Variants in POMGNT1 observed in about 807,000 individuals in gnomAD.
POMGNT1 encodes protein O-linked mannose N-acetylglucosaminyltransferase 1 (beta 1,2-).
Under a neutral mutation model 95.6 loss-of-function variants are expected in POMGNT1, and 67 were observed. The observed-to-expected ratio is 0.70, with a 90% confidence interval of 0.58 to 0.86. The LOEUF (loss-of-function observed/expected upper bound fraction) is 0.86, where lower values mean the gene tolerates loss of function less well. Among genes scored for constraint, POMGNT1 ranks in the 40% least tolerant of loss-of-function variants. POMGNT1 has a pLI of 0.00. For missense variants in POMGNT1, 719 were observed against 855.2 expected, an observed-to-expected ratio of 0.84 and a Z score of 1.99; for synonymous variants, 298 against 317.9, an observed-to-expected ratio of 0.94 and a Z score of 0.66.
At chr1:46,189,797 G>A in intron 20 of POMGNT1, 57 bp downstream of exon 20, 1 of 1,609,370 alleles carries the variant, frequency 6.2e-7, no homozygotes, top group Non-Finnish European at 8.5e-7. Context: ...CTGGATCTTG[G>A]GGCAGTATGT....
In POMGNT1 at chr1:46,196,022, T is replaced by C. The variant is rs754819722; in HGVS notation, c.410A>G (p.Asn137Ser). The change falls in exon 5 of 22, where the codon AAC becomes AGC. Residue 137 changes from asparagine to serine, a missense_variant. By Grantham distance (46) the Asn-to-Ser change is conservative (BLOSUM62 1). Transcript: ENST00000371984. The surrounding 1 kb of genome is among the most constrained non-coding windows in gnomAD (Gnocchi z 4.4). Reference sequence around the variant, plus strand: ...CCCCTAGAAACTCACCGTGGCCTGGTTGAGGACAATGACATGGATGCCCCG... The same window carrying C: ...CCCCTAGAAACTCACCGTGGCCTGGCTGAGGACAATGACATGGATGCCCCG... The part of the protein sequence containing the change: ...QGRGIHVIVL[N>S]QATGHVMAKR... 4.3e-6 allele frequency: 7 copies of C among 1,614,006 alleles called. No individual in the cohort carries two copies. Among genetic ancestry groups the C allele is most frequent in the Admixed American group, 3.3e-5 (2 of 60,012 alleles).
At chr1:46,195,544 C>T in intron 6 of POMGNT1, 1 of 515,232 alleles carries the variant, frequency 1.9e-6, no homozygotes, top group Non-Finnish European at 3.6e-6. Context: ...CTGTTGACCT[C>T]CCACTGCTGG....
In POMGNT1 at chr1:46,193,313, C is replaced by T. The variant is rs1332597566; in HGVS notation, c.1102G>A (p.Val368Met). The change falls in exon 12 of 22, where the codon GTG becomes ATG. Residue 368 changes from valine (V) to methionine (M), a missense_variant. By Grantham distance (21) the Val-to-Met change is conservative (BLOSUM62 1). Transcript: ENST00000371984. ...ACTTGCCTATGCAGTACCTGAGACA[C>T]GCGGGCATTCTTGATGCTGATGGGA... Reference protein sequence around the residue: ...HTPISIKNARVSQHYKASLTA... With the variant: ...HTPISIKNARMSQHYKASLTA... The T allele has an allele frequency of 5.0e-6, 8 of 1,613,646 alleles. No individual in the cohort carries two copies. The East Asian group carries it at 6.7e-5, about 13-fold the overall frequency.
intron 1 of POMGNT1, 136 bp from the exon 2 acceptor site, chr1:46,198,007 ACTT>A (rs1658377112): frequency 1.2e-6 from 1 of 820,364 alleles, no homozygotes; most frequent in Admixed American, 2.9e-5. Context: ...AAGTGGCTCA[ACTT>A]CTCTGGGCTG....
At chr1:46,191,906 T>C in intron 17 of POMGNT1, 192 bp downstream of exon 17, 4 of 842,474 alleles carry the variant, frequency 4.7e-6, no homozygotes, top group Non-Finnish European at 7.2e-6. Context: ...AGTGCTGGGA[T>C]TACAGGCGTG....
intron 17 of POMGNT1, 134 bp downstream of exon 17, chr1:46,191,964 G>T: frequency 1.4e-6 from 2 of 1,387,388 alleles, no homozygotes; most frequent in Non-Finnish European, 2.0e-6. Context: ...TAAAGAAACT[G>T]AGGCAAAAAT....
At chr1:46,193,415 T>C (rs746482178) in intron 11 of POMGNT1, 27 bp from the exon 12 acceptor site, 3 of 1,608,276 alleles carry the variant, frequency 1.9e-6, no homozygotes, top group East Asian at 2.2e-5. Context: ...CTGCTCACCA[T>C]GTGAGGTCAC....
chr1:46,192,424 TG>T lies in POMGNT1; in HGVS notation c.1296del (p.His432GlnfsTer77). The T allele has an allele frequency of 6.2e-7, 1 of 1,614,088 alleles. No homozygotes were observed. Reference sequence around the variant, plus strand: ...TACAGTAGTGCTGGGTCCTCAGCCGTGTGTTCATACCCCTGGGGACAGGGTG... The same window carrying T: ...TACAGTAGTGCTGGGTCCTCAGCCGTTGTTCATACCCCTGGGGACAGGGTG... ...ISAWNDQGYE[H>X]TAEDPALLYR... On this transcript the variant is annotated frameshift_variant, in exon 16 of 22. Transcript: ENST00000371984. LOFTEE classifies it high-confidence loss of function.
chr1:46,189,129 G>A lies in POMGNT1; in HGVS notation c.*141C>T. 3.4e-6 allele frequency: 5 copies of A among 1,491,374 alleles called. No individual in the cohort carries two copies. In the South Asian group the frequency reaches 5.5e-5, roughly 17 times the overall value. The allele number at this position is 1,491,374 out of a possible 1,614,324, so 92.4% of individuals were successfully genotyped here. Reference sequence around the variant, plus strand: ...GTTGGAGCAGGGGAACCCTCCCCTTGGAGTTAGTAATTAAGTCTCATGTTA... The same window carrying A: ...GTTGGAGCAGGGGAACCCTCCCCTTAGAGTTAGTAATTAAGTCTCATGTTA... On this transcript the variant is annotated 3_prime_UTR_variant, in exon 22 of 22. Transcript: ENST00000371984.
At chr1:46,212,898 T>TAC (rs1286557428) in intron 1 of POMGNT1, among the ~76,000 whole-genome samples, 2 of 151,950 alleles carry the variant, frequency 1.3e-5, no homozygotes, top group Non-Finnish European at 2.9e-5. Flanking sequence ...TAGCTGGGAC[T>TAC]ACAGGTGTCC....
In POMGNT1 at chr1:46,189,578, T is replaced by C; in HGVS notation, c.1786-11A>G. 1 of 1,606,300 alleles carries C rather than the reference T, an allele frequency of 6.2e-7. No homozygotes were observed. The highest frequency in any genetic ancestry group is 8.5e-7 in the Non-Finnish European group (1 of 1,175,876). ...CCAGATATGGAGGCACTAGTGAGGG[T>C]GGGATGGAGACAGAGACATGGGTCA... On this transcript the variant is annotated splice_polypyrimidine_tract_variant and intron_variant, in intron 20 of 21. Coordinates refer to ENST00000371984, the MANE Select transcript of POMGNT1 (RefSeq NM_017739.4).
upstream of POMGNT1, chr1:46,198,490 G>C (rs543332019): frequency 2.7e-5 from 4 of 149,504 alleles, no homozygotes; most frequent in South Asian, 7.1e-4. Context: ...CCGCTGCCGC[G>C]GGGTGAGAGG....
At chr1:46,201,482 G>A (rs544423269), upstream of POMGNT1, among the ~76,000 whole-genome samples, 71 of 152,002 alleles carry the variant, frequency 4.7e-4, no homozygotes, top group Middle Eastern at 6.8e-3. Flanking sequence ...GGCAGATCAC[G>A]AGGTCAAGAG....
chr1:46,190,926 T>A, intron 17 of POMGNT1, 142 bp from the exon 18 acceptor site: 2 of 789,044 alleles, frequency 2.5e-6, no homozygotes, highest in Middle Eastern at 2.3e-4. Context: ...GTCTTCTCCA[T>A]CCTCTTTGCA....
chr1:46,192,369 C>T lies in POMGNT1; in HGVS notation c.1352G>A (p.Trp451Ter). 5 of 1,614,210 alleles carry T rather than the reference C, an allele frequency of 3.1e-6. No individual in the cohort carries two copies. Among genetic ancestry groups the T allele is most frequent in the Non-Finnish European group, 4.2e-6 (5 of 1,180,034 alleles). Residue 451 changes from tryptophan to a stop codon, truncating the protein, a stop_gained, in exon 16 of 22, where the codon TGG becomes TAG. Transcript: ENST00000371984. LOFTEE classifies it high-confidence loss of function. ...CTTGTACAAGGACCTCCTGAGCACC[C>T]AGCCCAGCCCAGGCATGGTCTCCAC... The part of the protein sequence containing the change: ...YRVETMPGLG[W>*]VLRRSLYKEE...
chr1:46,193,762 T>C, intron 10 of POMGNT1, 93 bp downstream of exon 10: 1 of 1,597,338 alleles, frequency 6.3e-7, no homozygotes, highest in Admixed American at 1.8e-5. Flanking sequence ...TAGAATCTAT[T>C]GCCTTTCTGC....
At chr1:46,215,257 G>GA (rs1262880097) in intron 1 of POMGNT1, among the ~76,000 whole-genome samples, 1 of 148,866 alleles carries the variant, frequency 6.7e-6, no homozygotes, top group Non-Finnish European at 1.5e-5. Context: ...ATGCAAGAGT[G>GA]AAAAAAACAA....
intron 9 of POMGNT1, 46 bp downstream of exon 9, chr1:46,194,228 G>A: frequency 6.2e-7 from 1 of 1,614,030 alleles, no homozygotes; most frequent in Non-Finnish European, 8.5e-7. Flanking sequence ...CCCCCCTGCT[G>A]AGCTGGGAAG....
At chr1:46,216,445 A>C (rs755634843) in intron 1 of POMGNT1, among the ~76,000 whole-genome samples, 1 of 152,052 alleles carries the variant, frequency 6.6e-6, no homozygotes, top group Non-Finnish European at 1.5e-5. Context: ...AGGCTCAAGC[A>C]ATCCTCTCAC....
Sources: gnomAD v4.1 joint callset for allele counts (sites outside exome capture counted in the v4.1 genomes callset) on GRCh38, gnomAD v4.1.1 for gene constraint, Gnocchi (gnomAD v3.1) non-coding constraint, MANE v1.5 for transcripts, NCBI Gene and HGNC (gene_info 2026-07-23, HGNC 2026-07-21) for gene names.